Variants in TCEA1 observed in about 807,000 individuals in gnomAD.
The protein encoded by TCEA1 is transcription elongation factor A protein 1.
A neutral mutation model predicts 43.8 loss-of-function variants in TCEA1; 21 were observed. The observed-to-expected ratio is 0.48, with a 90% CI of 0.34 to 0.69. The LOEUF (loss-of-function observed/expected upper bound fraction) is 0.69, where lower values mean the gene tolerates loss of function less well. Among genes scored for constraint, TCEA1 ranks in the 30% least tolerant of loss-of-function variants. The pLI is 0.01. For missense variants in TCEA1, 250 were observed against 365.1 expected (o/e 0.68, Z 2.57); for synonymous variants, 104 against 117.5 (o/e 0.88, Z 0.75).
intron 3 of TCEA1, among the ~76,000 whole-genome samples, chr8:53,993,982 T>C (rs567213453): frequency 5.8e-4 from 88 of 152,248 alleles, no homozygotes; most frequent in African/African-American, 1.9e-3. Context: ...TCACATGCCA[T>C]GGGAACCTAA....
At position 53,984,437 on chromosome 8, in the gene TCEA1, T is replaced by C; in HGVS notation, c.604A>G (p.Lys202Glu). 6.2e-7 allele frequency: 1 copy of C among 1,603,914 alleles called. No individual in the cohort carries two copies. The highest frequency in any genetic ancestry group is 8.5e-7 in the Non-Finnish European group (1 of 1,175,980). Residue 202 changes from lysine to glutamate, a missense_variant, in exon 7 of 10, where the codon AAA (lysine) becomes GAA (glutamate). By Grantham distance (56) the Lys-to-Glu change is moderately conservative. Around this residue, in one of 4 missense-constraint regions of TCEA1, gnomAD observed 147 missense variants for 160.3 expected, o/e 0.92. Transcript: ENST00000521604. The stretch of plus-strand genomic sequence containing the variant: ...ACATTTTTCCTTAAATTTGGATTTT[T>C]TGCATCTTTAAGATTTGATATCCTA... ...RSRISNLKDA[K>E]NPNLRKNVLC...
chr8:53,998,655 G>A (rs978808897), intron 3 of TCEA1, among the ~76,000 whole-genome samples: 4 of 151,976 alleles, frequency 2.6e-5, no homozygotes, highest in African/African-American at 9.7e-5. Context: ...ACAAAAAATT[G>A]ACAGCCCCAA....
At chr8:53,985,452 C>T (rs1238867735) in intron 6 of TCEA1, among the ~76,000 whole-genome samples, 1 of 152,072 alleles carries the variant, frequency 6.6e-6, no homozygotes, top group East Asian at 1.9e-4. Context: ...CTTTACTTGC[C>T]CAAATCCGAA....
rs565337039 is a variant in TCEA1 at position 53,994,704 on chromosome 8, TA to T, written c.233-950del. Among the ~76,000 whole-genome samples, 201 of 150,970 alleles carry T rather than the reference TA, an allele frequency of 1.3e-3. 2 individuals are homozygous for T. Among genetic ancestry groups the T allele is most frequent in the Non-Finnish European group, 2.6e-3 (173 of 67,630 alleles). On this transcript the variant is annotated intron_variant, in intron 3 of 9. Transcript: ENST00000521604. ...TAACATGGTAAAACCCCGTCTCTAC[TA>T]AAAAAAATACAAAAAATTAGCCGGG...
At chr8:53,995,369 G>A (rs1173835200) in intron 3 of TCEA1, among the ~76,000 whole-genome samples, 1 of 151,742 alleles carries the variant, frequency 6.6e-6, no homozygotes, top group African/African-American at 2.4e-5. Context: ...CCAGGCAGGA[G>A]GAACGCTTGA....
intron 7 of TCEA1, among the ~76,000 whole-genome samples, chr8:53,980,792 C>T (rs1803478605): frequency 6.6e-6 from 1 of 152,120 alleles, no homozygotes; most frequent in African/African-American, 2.4e-5. Flanking sequence ...CACTTTAAAT[C>T]AAAACCTAGA....
chr8:53,998,786 T>C (rs1804150846), intron 3 of TCEA1, among the ~76,000 whole-genome samples: 1 of 152,154 alleles, frequency 6.6e-6, no homozygotes, highest in African/African-American at 2.4e-5. Flanking sequence ...AGTAAAATCA[T>C]GAACCTAAGT....
intron 2 of TCEA1, 80 bp downstream of exon 2, chr8:54,010,350 A>T: frequency 9.1e-7 from 1 of 1,096,170 alleles, no homozygotes; most frequent in Non-Finnish European, 1.3e-6. Context: ...GAGACTACAA[A>T]AACATATTGG....
At chr8:53,991,502 C>G (rs1042863888) in intron 4 of TCEA1, among the ~76,000 whole-genome samples, 1 of 151,968 alleles carries the variant, frequency 6.6e-6, no homozygotes, top group East Asian at 1.9e-4. Flanking sequence ...CAAGACCAGC[C>G]TGATCAAAAT....
intron 2 of TCEA1, chr8:54,010,032 TA>T (rs556323939): frequency 0.013 from 2,289 of 178,930 alleles, no homozygotes; most frequent in Middle Eastern, 0.026. Flanking sequence ...TGACTGGTGC[TA>T]AAAAAAAAAG....
intron 8 of TCEA1, chr8:53,972,999 G>C (rs375004866): frequency 7.3e-5 from 49 of 670,344 alleles, no homozygotes; most frequent in East Asian, 6.4e-4. Flanking sequence ...CTTGGGATGA[G>C]ACTGAACATG....
chr8:54,021,056 G>T (rs1357591107), intron 1 of TCEA1, among the ~76,000 whole-genome samples: 1 of 152,080 alleles, frequency 6.6e-6, no homozygotes, highest in Non-Finnish European at 1.5e-5. Context: ...AGGCGTGGTG[G>T]CGCACGTCTG....
intron 9 of TCEA1, among the ~76,000 whole-genome samples, chr8:53,969,050 G>C (rs1339935420): frequency 6.6e-6 from 1 of 152,142 alleles, no homozygotes; most frequent in Non-Finnish European, 1.5e-5. Context: ...AGCACTTTCG[G>C]AGGCCAAGGC....
At position 53,986,958 on chromosome 8, in the gene TCEA1, A is replaced by G; in HGVS notation, c.523+11T>C. On this transcript the variant is annotated intron_variant, in intron 6 of 9. Transcript: ENST00000521604. ...AAAAAAAACAATTATGAATATACACACAAAGGATATCTTCTTCAATTTGAG... is the reference window on the plus strand; with the variant it reads ...AAAAAAAACAATTATGAATATACACGCAAAGGATATCTTCTTCAATTTGAG... 1 of 1,577,702 alleles carries G rather than the reference A, an allele frequency of 6.3e-7. No individual in the cohort carries two copies.
At chr8:54,006,668 G>A (rs1382581628) in intron 2 of TCEA1, among the ~76,000 whole-genome samples, 1 of 152,080 alleles carries the variant, frequency 6.6e-6, no homozygotes, top group Non-Finnish European at 1.5e-5. Flanking sequence ...CAGGTCTGTC[G>A]GGATAAAGTT....
chr8:54,007,710 A>T (rs1424297739), intron 2 of TCEA1, among the ~76,000 whole-genome samples: 1 of 152,184 alleles, frequency 6.6e-6, no homozygotes, highest in Non-Finnish European at 1.5e-5. Flanking sequence ...TTTCTCAATC[A>T]TGTTCACACA....
At chr8:53,979,197 C>G in intron 7 of TCEA1, 26 bp from the exon 8 acceptor site, 1 of 1,596,868 alleles carries the variant, frequency 6.3e-7, no homozygotes, top group Non-Finnish European at 8.6e-7. Flanking sequence ...CAATACCACT[C>G]AGTTATAGAC....
intron 1 of TCEA1, among the ~76,000 whole-genome samples, chr8:54,021,348 C>G (rs1444275221): frequency 6.6e-6 from 1 of 152,142 alleles, no homozygotes. Flanking sequence ...AAAAATGCCA[C>G]CAGTATTAAC....
intron 3 of TCEA1, among the ~76,000 whole-genome samples, 181 bp from the exon 4 acceptor site, chr8:53,993,936 C>T (rs531968778): frequency 6.6e-6 from 1 of 152,290 alleles, no homozygotes; most frequent in East Asian, 1.9e-4. Flanking sequence ...GTCAACACTC[C>T]CAAATAAATT....
Sources: gnomAD v4.1 joint callset for allele counts (sites outside exome capture counted in the v4.1 genomes callset) on GRCh38, gnomAD v4.1.1 for gene constraint, gnomAD v4.1.1 regional missense constraint, MANE v1.5 for transcripts, NCBI Gene and HGNC (gene_info 2026-07-23, HGNC 2026-07-21) for gene names.